TYW3: variants seen among roughly 807,000 people sequenced by gnomAD.
TYW3 encodes tRNA wybutosine-synthesizing protein 3 homolog.
TYW3 carries 26 observed loss-of-function variants against 23.1 expected under a neutral mutation model. That is an observed-to-expected ratio of 1.13 (90% CI 0.83 to 1.56). The LOEUF is 1.56. TYW3 is among the 40% of genes most tolerant of loss of function. The pLI, the probability that TYW3 is intolerant of heterozygous loss-of-function variation, is 0.00. For missense variants in TYW3, 316 were observed against 311.9 expected (o/e 1.01, Z -0.10); for synonymous variants, 102 against 105.7 (o/e 0.97, Z 0.21).
intron 3 of TYW3, among the ~76,000 whole-genome samples, chr1:74,744,460 A>G (rs1648479194): frequency 6.6e-6 from 1 of 152,122 alleles, no homozygotes; most frequent in African/African-American, 2.4e-5. Flanking sequence ...ATGCATTTCA[A>G]GGGTGAACCT....
intron 5 of TYW3, among the ~76,000 whole-genome samples, chr1:74,759,092 A>G (rs537242660): frequency 2.6e-5 from 4 of 152,224 alleles, no homozygotes; most frequent in Non-Finnish European, 4.4e-5. Flanking sequence ...AAATAGTGCT[A>G]CTTTTTTTAA....
chr1:74,759,891 G>A (rs532722766), intron 5 of TYW3, among the ~76,000 whole-genome samples: 5 of 152,086 alleles, frequency 3.3e-5, no homozygotes, highest in Admixed American at 6.5e-5. Context: ...GTGATTGCCC[G>A]CCTTGGCCTC....
At position 74,765,632 on chromosome 1, in the gene TYW3, A is replaced by G. The variant is rs1649280227; in HGVS notation, c.*1519A>G. On this transcript the variant is annotated 3_prime_UTR_variant, in exon 6 of 6. Coordinates refer to ENST00000370867, the MANE Select transcript of TYW3 (RefSeq NM_138467.3). ...TGCAGTAAATGAAAAGAGAAGATAA[A>G]TGAATAAAAAAAAAAGTTATAAATA... is the stretch of plus-strand genomic sequence containing the variant. 1.3e-5 allele frequency: 2 copies of G among 152,086 alleles called. No individual in the cohort carries two copies. Among genetic ancestry groups the G allele is most frequent in the South Asian group, 2.1e-4 (1 of 4,818 alleles). 9.4% of individuals were successfully genotyped at this position (152,086 alleles called of 1,614,324 possible).
At chr1:74,750,483 G>A (rs1265310092) in intron 4 of TYW3, among the ~76,000 whole-genome samples, 1 of 151,960 alleles carries the variant, frequency 6.6e-6, no homozygotes, top group Non-Finnish European at 1.5e-5. Context: ...AGAATTGCTT[G>A]AACCTGGGAG....
At chr1:74,755,920 T>C (rs1452692236) in intron 5 of TYW3, among the ~76,000 whole-genome samples, 1 of 152,124 alleles carries the variant, frequency 6.6e-6, no homozygotes, top group South Asian at 2.1e-4. Context: ...AGGGAGGTAA[T>C]TGAATTATGG....
intron 5 of TYW3, among the ~76,000 whole-genome samples, chr1:74,755,470 A>C (rs953634563): frequency 3.9e-5 from 6 of 152,236 alleles, no homozygotes; most frequent in African/African-American, 1.4e-4. Flanking sequence ...TACTTCGTTA[A>C]TGTAGGATTC....
intron 1 of TYW3, chr1:74,736,296 G>A: frequency 3.3e-6 from 1 of 300,582 alleles, no homozygotes; most frequent in Non-Finnish European, 6.2e-6. Flanking sequence ...GCAAAATCAT[G>A]ACCATATTTC....
In TYW3 at chr1:74,765,625, A is replaced by AAGAT. The variant is rs1199975550; in HGVS notation, c.*1514_*1517dup. The stretch of plus-strand genomic sequence containing the variant: ...CTGGCAGTGCAGTAAATGAAAAGAG[A>AAGAT]AGATAAATGAATAAAAAAAAAAGTT... On this transcript the variant is annotated 3_prime_UTR_variant, in exon 6 of 6. Coordinates refer to ENST00000370867, the MANE Select transcript of TYW3 (RefSeq NM_138467.3). 6.6e-6 allele frequency: 1 copy of AAGAT among 152,094 alleles called. No individual in the cohort carries two copies. The highest frequency in any genetic ancestry group is 2.4e-5 in the African/African-American group (1 of 41,416). The allele number at this position is 152,094 out of a possible 1,614,324, so 9.4% of individuals were successfully genotyped here.
At chr1:74,739,908 G>C (rs1648292342) in intron 3 of TYW3, among the ~76,000 whole-genome samples, 1 of 152,182 alleles carries the variant, frequency 6.6e-6, no homozygotes. Context: ...TTGTAAGGTT[G>C]TCTGGGGAAG....
At chr1:74,739,218 TA>T (rs1303634247) in intron 3 of TYW3, among the ~76,000 whole-genome samples, 2 of 152,178 alleles carry the variant, frequency 1.3e-5, no homozygotes, top group Non-Finnish European at 2.9e-5. Flanking sequence ...TATTTATATA[TA>T]AAACTGAATT....
chr1:74,746,117 A>G (rs1367421873), intron 3 of TYW3, among the ~76,000 whole-genome samples: 1 of 152,244 alleles, frequency 6.6e-6, no homozygotes, highest in Non-Finnish European at 1.5e-5. Flanking sequence ...GAAAATTTCA[A>G]ATAGACATTT....
At position 74,733,260 on chromosome 1, in the gene TYW3, G is replaced by C; in HGVS notation, c.16G>C (p.Glu6Gln). ...TCCGTCACCCATGGATCGCAGCGCG[G>C]AGTTCAGGAAATGGAAGGCGCAATG... is the stretch of plus-strand genomic sequence containing the variant. MDRSAEFRKWKAQCLS... is the reference protein window; with the variant it reads MDRSAQFRKWKAQCLS... The change falls in exon 1 of 6, where the codon GAG (glutamate) becomes CAG (glutamine). Residue 6 changes from glutamate (E) to glutamine (Q), a missense_variant. By Grantham distance (29) the Glu-to-Gln change is conservative (BLOSUM62 2). Coordinates refer to ENST00000370867, the MANE Select transcript of TYW3 (RefSeq NM_138467.3). 1 of 1,614,140 alleles carries C rather than the reference G, an allele frequency of 6.2e-7. No homozygotes were observed. The highest frequency in any genetic ancestry group is 8.5e-7 in the Non-Finnish European group (1 of 1,180,000).
chr1:74,763,857 A>G (rs1173609866), intron 5 of TYW3, 37 bp from the exon 6 acceptor site: 1 of 1,525,582 alleles, frequency 6.6e-7, no homozygotes. Flanking sequence ...TCGTTTCAGT[A>G]CACACAGATA....
chr1:74,733,571 G>C, intron 1 of TYW3, 153 bp downstream of exon 1: 2 of 984,268 alleles, frequency 2.0e-6, no homozygotes, highest in Non-Finnish European at 1.2e-6. Flanking sequence ...TAGGGGATTA[G>C]ATCAGTGCTT....
At chr1:74,738,114 A>AC (rs11424249) in intron 2 of TYW3, among the ~76,000 whole-genome samples, 10,916 of 152,008 alleles carry the variant, frequency 0.072, 412 homozygotes, top group Middle Eastern at 0.12. Context: ...AGGGAAAAAA[A>AC]AACAAACAAA....
At chr1:74,739,652 A>G (rs2100756423) in intron 3 of TYW3, among the ~76,000 whole-genome samples, 1 of 152,342 alleles carries the variant, frequency 6.6e-6, no homozygotes, top group African/African-American at 2.4e-5. Flanking sequence ...ACCAGATTAA[A>G]GAGTTTGAAT....
Position 74,740,798 on chromosome 1 carries a change from G to C in TYW3, c.354+2010G>C, listed in dbSNP as rs553692720. Among the ~76,000 whole-genome samples, 3 of 152,286 alleles carry C rather than the reference G, an allele frequency of 2.0e-5. No homozygotes were observed. In the South Asian group the frequency reaches 6.2e-4, roughly 32 times the overall value. On this transcript the variant is annotated intron_variant, in intron 3 of 5. Transcript: ENST00000370867. ...ATTTACAGTCCTTTAGCTACACACA[G>C]AGCGCTAATTGGTGCGTTTTTACAG...
chr1:74,755,221 A>G (rs1272410973), intron 5 of TYW3, among the ~76,000 whole-genome samples: 2 of 152,146 alleles, frequency 1.3e-5, no homozygotes, highest in Non-Finnish European at 2.9e-5. Context: ...GAAATTTACC[A>G]TTTTAACCAG....
intron 3 of TYW3, among the ~76,000 whole-genome samples, chr1:74,739,468 C>T (rs1211778540): frequency 6.6e-6 from 1 of 152,192 alleles, no homozygotes; most frequent in Non-Finnish European, 1.5e-5. Context: ...AGATAGGCTT[C>T]TCTGAAAAGC....
Sources: gnomAD v4.1 joint callset for allele counts (sites outside exome capture counted in the v4.1 genomes callset) on GRCh38, gnomAD v4.1.1 for gene constraint, MANE v1.5 for transcripts, NCBI Gene and HGNC (gene_info 2026-07-23, HGNC 2026-07-21) for gene names.